PCP4: variants seen among roughly 807,000 people sequenced by gnomAD.
PCP4 encodes calmodulin regulator protein PCP4.
A neutral mutation model predicts 10.0 loss-of-function variants in PCP4; 8 were observed. That is an observed-to-expected ratio of 0.80 (90% confidence interval 0.47 to 1.45). The LOEUF is 1.45. Among genes scored for constraint, PCP4 ranks in the 40% most tolerant of loss-of-function variants. The probability of loss-of-function intolerance (pLI) is 0.00; values close to 1 mark genes in which losing one functional copy is unlikely to be tolerated. For synonymous variants in PCP4, 21 were observed against 23.0 expected (o/e 0.91, Z 0.24); for missense variants, 54 against 74.4 (o/e 0.73, Z 1.01).
At chr21:39,891,440 T>A (rs190986095) in intron 1 of PCP4, among the ~76,000 whole-genome samples, 5,874 of 152,310 alleles carry the variant, frequency 0.039, 177 homozygotes, top group Non-Finnish European at 0.058. Flanking sequence ...GAATTGGTGC[T>A]CTGTGGAGCA....
At chr21:39,868,172 C>T (rs1439878356) in intron 1 of PCP4, among the ~76,000 whole-genome samples, 5 of 152,168 alleles carry the variant, frequency 3.3e-5, no homozygotes, top group Admixed American at 1.3e-4. Flanking sequence ...ACTGACAGCA[C>T]GTTTGTTTTT....
At chr21:39,901,547 AGACAT>A (rs775662705) in intron 2 of PCP4, among the ~76,000 whole-genome samples, 1 of 152,230 alleles carries the variant, frequency 6.6e-6, no homozygotes, top group East Asian at 1.9e-4. Context: ...TGCCATTCAA[AGACAT>A]GGAATTTCTT....
chr21:39,907,572 G>A (rs1444069854), intron 2 of PCP4, among the ~76,000 whole-genome samples: 3 of 152,156 alleles, frequency 2.0e-5, no homozygotes, highest in Non-Finnish European at 4.4e-5. Context: ...GAGGTGGGTG[G>A]ATCACCTGAA....
At chr21:39,869,543 C>T (rs2087309930) in intron 1 of PCP4, among the ~76,000 whole-genome samples, 1 of 152,194 alleles carries the variant, frequency 6.6e-6, no homozygotes, top group Non-Finnish European at 1.5e-5. Flanking sequence ...CAGCTCTCTG[C>T]TCCTCATCCT....
intron 1 of PCP4, among the ~76,000 whole-genome samples, chr21:39,883,097 A>T (rs1276043315): frequency 6.8e-6 from 1 of 145,996 alleles, no homozygotes; most frequent in Non-Finnish European, 1.5e-5. Context: ...CAATTCAGGA[A>T]GGCAATCAAA....
chr21:39,899,319 T>C (rs115775076), intron 2 of PCP4, among the ~76,000 whole-genome samples: 1 of 152,192 alleles, frequency 6.6e-6, no homozygotes, highest in Admixed American at 6.5e-5. Context: ...GTGTTCTTCC[T>C]TTCTGTTAAC....
intron 2 of PCP4, among the ~76,000 whole-genome samples, chr21:39,899,297 G>T (rs960974060): frequency 6.6e-6 from 1 of 152,198 alleles, no homozygotes; most frequent in African/African-American, 2.4e-5. Context: ...TTCCGGTGAG[G>T]TGAGACTCTG....
intron 1 of PCP4, among the ~76,000 whole-genome samples, chr21:39,889,845 A>G (rs915140633): frequency 1.3e-5 from 2 of 152,170 alleles, no homozygotes; most frequent in African/African-American, 4.8e-5. Context: ...TTCACATTTC[A>G]TACTCTTCAA....
intron 2 of PCP4, among the ~76,000 whole-genome samples, chr21:39,902,577 A>G (rs2146339530): frequency 6.6e-6 from 1 of 152,318 alleles, no homozygotes; most frequent in African/African-American, 2.4e-5. Context: ...AATATGACCT[A>G]CTGCATACTC....
chr21:39,918,705 C>A (rs906811532), intron 2 of PCP4, among the ~76,000 whole-genome samples: 17 of 152,262 alleles, frequency 1.1e-4, no homozygotes, highest in African/African-American at 3.6e-4. Context: ...TAGCACAGAC[C>A]TGGAAAATTG....
intron 2 of PCP4, among the ~76,000 whole-genome samples, chr21:39,927,855 C>T (rs917381197): frequency 2.0e-5 from 3 of 148,688 alleles, no homozygotes; most frequent in Admixed American, 6.7e-5. Context: ...CACAGGGACA[C>T]GGATTTCTCA....
chr21:39,916,398 G>C (rs1337479751), intron 2 of PCP4, among the ~76,000 whole-genome samples: 1 of 152,204 alleles, frequency 6.6e-6, no homozygotes, highest in Non-Finnish European at 1.5e-5. Context: ...TGGTGGTGCA[G>C]ACAGCAGAAT....
chr21:39,905,725 C>T (rs2087503827), intron 2 of PCP4, among the ~76,000 whole-genome samples: 1 of 152,112 alleles, frequency 6.6e-6, no homozygotes, highest in Non-Finnish European at 1.5e-5. Context: ...TCTCTAGCTG[C>T]AATTCTTTAC....
chr21:39,909,640 C>T (rs1306157150), intron 2 of PCP4, among the ~76,000 whole-genome samples: 3 of 151,904 alleles, frequency 2.0e-5, no homozygotes, highest in South Asian at 2.1e-4. Flanking sequence ...CTGGGTGTGC[C>T]GGGAGGAGGA....
At chr21:39,886,003 C>T (rs1221221504) in intron 1 of PCP4, among the ~76,000 whole-genome samples, 1 of 152,210 alleles carries the variant, frequency 6.6e-6, no homozygotes, top group Admixed American at 6.5e-5. Context: ...CTGTCTTCTC[C>T]CTGTGTGTCC....
chr21:39,883,829 A>G (rs563307803), intron 1 of PCP4, among the ~76,000 whole-genome samples: 41 of 152,334 alleles, frequency 2.7e-4, no homozygotes, highest in African/African-American at 8.2e-4. Flanking sequence ...ACAATGAAAA[A>G]AAAAGGAGAA....
At chr21:39,908,830 T>A (rs1329419622) in intron 2 of PCP4, among the ~76,000 whole-genome samples, 1 of 152,172 alleles carries the variant, frequency 6.6e-6, no homozygotes, top group Non-Finnish European at 1.5e-5. Flanking sequence ...TCCACCCCTG[T>A]GGAGAGGCGC....
At chr21:39,922,711 A>G (rs530129999) in intron 2 of PCP4, among the ~76,000 whole-genome samples, 1 of 152,204 alleles carries the variant, frequency 6.6e-6, no homozygotes, top group South Asian at 2.1e-4. Context: ...TTGCAACTAC[A>G]CTGTTTGTTG....
intron 2 of PCP4, among the ~76,000 whole-genome samples, chr21:39,926,640 T>C (rs1409961698): frequency 6.6e-6 from 1 of 152,194 alleles, no homozygotes; most frequent in Admixed American, 6.5e-5. Context: ...AAGGATGTTA[T>C]TGGTACAAAA....
Sources: gnomAD v4.1 joint callset for allele counts (sites outside exome capture counted in the v4.1 genomes callset) on GRCh38, gnomAD v4.1.1 for gene constraint, MANE v1.5 for transcripts, NCBI Gene and HGNC (gene_info 2026-07-23, HGNC 2026-07-21) for gene names.